Variants in TSC22D1 observed in about 807,000 individuals in gnomAD.
TSC22D1 encodes the protein TSC22 domain family protein 1.
A neutral mutation model predicts 74.2 loss-of-function variants in TSC22D1; 9 were observed. That is an observed-to-expected ratio of 0.12 (90% CI 0.07 to 0.21). The LOEUF (loss-of-function observed/expected upper bound fraction) is 0.21, where lower values mean the gene tolerates loss of function less well. Ranked by LOEUF, TSC22D1 falls within the 10% of genes least tolerant of loss-of-function variation. The probability of loss-of-function intolerance (pLI) is 1.00; values close to 1 mark genes in which losing one functional copy is unlikely to be tolerated. For synonymous variants in TSC22D1, 586 were observed against 492.5 expected, an observed-to-expected ratio of 1.19 and a Z score of -2.51; for missense variants, 1,427 against 1,304.7, an observed-to-expected ratio of 1.09 and a Z score of -1.44.
intron 1 of TSC22D1, among the ~76,000 whole-genome samples, chr13:44,451,125 G>A (rs185514681): frequency 1.3e-5 from 2 of 152,342 alleles, no homozygotes; most frequent in African/African-American, 4.8e-5. Flanking sequence ...GCACCCTAAG[G>A]TGCCAGCAAA....
chr13:44,574,579 T>C lies in TSC22D1; in HGVS notation c.1496A>G (p.Gln499Arg), dbSNP rs766731950. 1.2e-6 allele frequency: 2 copies of C among 1,614,074 alleles called. No individual in the cohort carries two copies. Among genetic ancestry groups the C allele is most frequent in the South Asian group, 2.2e-5 (2 of 91,086 alleles). ...MGAPTVVVQQ[Q>R]QQQQQQQQQQ... is the part of the protein sequence containing the mutation. Reference sequence around the variant, plus strand: ...CTGTTGTTGTTGTTGTTGCTGCTGCTGCTGCTGCACCACCACAGTAGGGGC... The same window carrying C: ...CTGTTGTTGTTGTTGTTGCTGCTGCCGCTGCTGCACCACCACAGTAGGGGC... Residue 499 changes from glutamine (Q) to arginine (R), a missense_variant, in exon 1 of 3, where the codon CAG (glutamine) becomes CGG (arginine). Gln to Arg is a conservative substitution (Grantham distance 43). Around this residue, in one of 3 missense-constraint regions of TSC22D1, gnomAD observed 1,343 missense variants for 1,191.5 expected, o/e 1.13. Coordinates refer to ENST00000458659, the MANE Select transcript of TSC22D1 (RefSeq NM_183422.4).
At chr13:44,442,609 G>GA (rs1217260349) in intron 1 of TSC22D1, among the ~76,000 whole-genome samples, 1 of 152,076 alleles carries the variant, frequency 6.6e-6, no homozygotes, top group Non-Finnish European at 1.5e-5. Context: ...AAACACAGAA[G>GA]AAACGTTGAA....
chr13:44,560,211 C>T (rs1882948620), intron 1 of TSC22D1, among the ~76,000 whole-genome samples: 1 of 152,082 alleles, frequency 6.6e-6, no homozygotes, highest in Non-Finnish European at 1.5e-5. Context: ...GGGAAGATCA[C>T]TTGAGCTCAG....
intron 1 of TSC22D1, among the ~76,000 whole-genome samples, chr13:44,446,606 A>C (rs1265549455): frequency 6.6e-6 from 1 of 152,142 alleles, no homozygotes; most frequent in Admixed American, 6.5e-5. Context: ...CCCATATTAC[A>C]AACCTGTGCC....
At chr13:44,538,318 C>T in intron 1 of TSC22D1, 25 of 985,308 alleles carry the variant, frequency 2.5e-5, no homozygotes, top group Non-Finnish European at 3.0e-5. Flanking sequence ...AGCCTCAAGA[C>T]CAGCGAAGAT....
chr13:44,441,280 A>G (rs1875177050), intron 1 of TSC22D1, among the ~76,000 whole-genome samples: 1 of 152,228 alleles, frequency 6.6e-6, no homozygotes, highest in African/African-American at 2.4e-5. Flanking sequence ...CACACAGATT[A>G]TCTAACACAT....
At chr13:44,521,878 T>C (rs1195110996) in intron 1 of TSC22D1, among the ~76,000 whole-genome samples, 2 of 152,168 alleles carry the variant, frequency 1.3e-5, no homozygotes, top group Non-Finnish European at 1.5e-5. Context: ...CTCACTAAAT[T>C]TGGGCATCTC....
rs561883853 is a variant in TSC22D1 at position 44,536,844 on chromosome 13, T to C, written c.2912+36319A>G. 3.0e-5 allele frequency: 29 copies of C among 965,034 alleles called. No individual in the cohort carries two copies. The Admixed American group carries it at 5.5e-4, about 18-fold the overall frequency. 59.8% of individuals were successfully genotyped at this position (965,034 alleles called of 1,614,324 possible). On this transcript the variant is annotated intron_variant, in intron 1 of 2. Transcript: ENST00000458659. ...TGCTAATCAGGAAAATGCAAAAACA[T>C]ACAAAACAGATCACCTATTTCATAC...
intron 1 of TSC22D1, among the ~76,000 whole-genome samples, chr13:44,502,451 C>T (rs1383886543): frequency 1.3e-5 from 2 of 152,162 alleles, no homozygotes; most frequent in East Asian, 1.9e-4. Context: ...TTCATTGGAA[C>T]CACCACACAC....
At chr13:44,437,553 G>T (rs1874820923) in intron 1 of TSC22D1, among the ~76,000 whole-genome samples, 1 of 152,064 alleles carries the variant, frequency 6.6e-6, no homozygotes, top group Non-Finnish European at 1.5e-5. Flanking sequence ...TTCCCAAAAA[G>T]CCCGTAGAGC....
At position 44,434,830 on chromosome 13, in the gene TSC22D1, G is replaced by A. The variant is rs1239593737; in HGVS notation, c.3018C>T (p.Leu1006=). The change falls in exon 3 of 3, where the codon CTC becomes CTT. Residue 1006 remains leucine, a synonymous_variant. Coordinates refer to ENST00000458659, the MANE Select transcript of TSC22D1 (RefSeq NM_183422.4). ...CTATTAGTTCTTTGATTTGCTCTTT[G>A]AGGACCTCCACTTCTTCTCTGACCG... ...MYAVREEVEV[L]KEQIKELIEK... 6.2e-7 allele frequency: 1 copy of A among 1,613,840 alleles called. No homozygotes were observed. Among genetic ancestry groups the A allele is most frequent in the East Asian group, 2.2e-5 (1 of 44,886 alleles).
At chr13:44,561,703 G>GTTAT (rs150294469) in intron 1 of TSC22D1, among the ~76,000 whole-genome samples, 5,156 of 151,974 alleles carry the variant, frequency 0.034, 261 homozygotes, top group African/African-American at 0.11. Context: ...TTTCTACCTT[G>GTTAT]TTATACTTTT....
chr13:44,574,077 T>C lies in TSC22D1; in HGVS notation c.1998A>G (p.Ala666=), dbSNP rs1417302844. 2 of 1,614,252 alleles carry C rather than the reference T, an allele frequency of 1.2e-6. No homozygotes were observed. Among genetic ancestry groups the C allele is most frequent in the East Asian group, 2.2e-5 (1 of 44,886 alleles). ...CAGAACTGGGCTGTCCGGAGGACATTGCTGTTTGAAGAATTGGCTGCTGTT... is the reference window on the plus strand; with the variant it reads ...CAGAACTGGGCTGTCCGGAGGACATCGCTGTTTGAAGAATTGGCTGCTGTT... The part of the protein sequence containing the change: ...YVQQQPILQT[A]MSSGQPSSAG... Residue 666 remains alanine, a synonymous_variant, in exon 1 of 3, where the codon GCA becomes GCG. Coordinates refer to ENST00000458659, the MANE Select transcript of TSC22D1 (RefSeq NM_183422.4).
At chr13:44,550,068 T>C (rs1463250654) in intron 1 of TSC22D1, among the ~76,000 whole-genome samples, 2 of 152,116 alleles carry the variant, frequency 1.3e-5, no homozygotes, top group Non-Finnish European at 2.9e-5. Context: ...GAAAGTAAAA[T>C]GTTGCCAAAA....
At chr13:44,536,442 A>G (rs531724754) in intron 1 of TSC22D1, among the ~76,000 whole-genome samples, 61 of 152,004 alleles carry the variant, frequency 4.0e-4, no homozygotes, top group Non-Finnish European at 6.9e-4. Context: ...GAATCAATAA[A>G]ACTAAATATT....
intron 1 of TSC22D1, among the ~76,000 whole-genome samples, chr13:44,567,134 G>A (rs369648989): frequency 6.6e-6 from 1 of 152,184 alleles, no homozygotes; most frequent in Non-Finnish European, 1.5e-5. Context: ...GTGAAGAAAC[G>A]TATCTGGGGA....
chr13:44,456,112 A>G (rs1011812126), intron 1 of TSC22D1, among the ~76,000 whole-genome samples: 1 of 152,202 alleles, frequency 6.6e-6, no homozygotes, highest in Non-Finnish European at 1.5e-5. Flanking sequence ...TCGCTGACTT[A>G]AAGAATAAAG....
Position 44,434,232 on chromosome 13 carries a change from G to C in TSC22D1, c.*394C>G, listed in dbSNP as rs1292502880. 2 of 1,419,192 alleles carry C rather than the reference G, an allele frequency of 1.4e-6. No individual in the cohort carries two copies. Among genetic ancestry groups the C allele is most frequent in the African/African-American group, 1.5e-5 (1 of 68,006 alleles). The allele number at this position is 1,419,192 out of a possible 1,614,324, so 87.9% of individuals were successfully genotyped here. A position where few individuals can be genotyped will look rare whatever the true frequency, so the allele number is the denominator to read the frequency against. ...AGGAGAGAGGCGAGTCCAGTGAGGA[G>C]CTCCATCGCTTCACAACCCCATGTA... On this transcript the variant is annotated 3_prime_UTR_variant, in exon 3 of 3. Coordinates refer to ENST00000458659, the MANE Select transcript of TSC22D1 (RefSeq NM_183422.4).
chr13:44,576,732 G>A (rs1314650076), upstream of TSC22D1, among the ~76,000 whole-genome samples: 1 of 151,470 alleles, frequency 6.6e-6, no homozygotes, highest in Non-Finnish European at 1.5e-5. Flanking sequence ...GGGCGACGCG[G>A]CTGCGAGCGG....
Sources: allele counts gnomAD v4.1 joint callset (sites outside exome capture counted in the v4.1 genomes callset), GRCh38; gene constraint gnomAD v4.1.1; regional missense constraint gnomAD v4.1.1; transcripts MANE v1.5; gene names NCBI Gene and HGNC (gene_info 2026-07-23, HGNC 2026-07-21).